The following ZNF675 variants were observed in gnomAD, a reference collection of about 807,000 sequenced individuals.
The protein encoded by ZNF675 is TRAF6 inhibitory zinc finger.
In ZNF675, 36 loss-of-function variants were observed where a neutral mutation model predicts 56.1. The ratio of observed to expected loss-of-function variants is 0.64; its 90% CI spans 0.49 to 0.85. ZNF675 has a LOEUF of 0.85. Among genes scored for constraint, ZNF675 ranks in the 40% least tolerant of loss-of-function variants. The pLI, the probability that ZNF675 is intolerant of heterozygous loss-of-function variation, is 0.00. For synonymous variants in ZNF675, 200 were observed against 218.9 expected, an observed-to-expected ratio of 0.91 and a Z score of 0.76; for missense variants, 663 against 654.2, an observed-to-expected ratio of 1.01 and a Z score of -0.15.
Position 23,654,436 on chromosome 19 carries a change from T to C in ZNF675, c.497A>G (p.His166Arg). Reference sequence around the variant, plus strand: ...ACATTTGAAAGGTTTATTTTCCATATGTTTTATCTTATGTCTATCTGAATG... The same window carrying C: ...ACATTTGAAAGGTTTATTTTCCATACGTTTTATCTTATGTCTATCTGAATG... ...FSHSDRHKIK[H>R]MENKPFKCKE... Residue 166 changes from histidine (H) to arginine (R), a missense_variant, in exon 4 of 4, where the codon CAT becomes CGT. Around this residue, in one of 3 missense-constraint regions of ZNF675, gnomAD observed 617 missense variants for 590.5 expected, o/e 1.04. Coordinates refer to ENST00000359788, the MANE Select transcript of ZNF675 (RefSeq NM_138330.3). The C allele has an allele frequency of 1.2e-6, 2 of 1,608,814 alleles. No homozygotes were observed. The highest frequency in any genetic ancestry group is 1.7e-6 in the Non-Finnish European group (2 of 1,177,726).
rs1967937628 is a variant in ZNF675, at chr19:23,653,460, G to A, written c.1473C>T (p.His491=). The A allele has an allele frequency of 6.2e-7, 1 of 1,610,668 alleles. No individual in the cohort carries two copies. Among genetic ancestry groups the A allele is most frequent in the Non-Finnish European group, 8.5e-7 (1 of 1,179,070 alleles). Residue 491 remains histidine (H), a synonymous_variant, in exon 4 of 4, where the codon CAC becomes CAT. Transcript: ENST00000359788. ...TTTTATGTGTAGTAAGGGATGAGGAGTGTTTAAAAGCTTTGCCACATTCTT... is the reference window on the plus strand; with the variant it reads ...TTTTATGTGTAGTAAGGGATGAGGAATGTTTAAAAGCTTTGCCACATTCTT... The part of the protein sequence containing the change: ...KCEECGKAFK[H]SSSLTTHKRI...
chr19:23,658,813 A>ATATAGATATATCTATAGATC (rs1555706323), intron 3 of ZNF675: 17 of 109,732 alleles, frequency 1.5e-4, no homozygotes, highest in East Asian at 3.1e-4. Flanking sequence ...CTATAGAGAT[A>ATATAGATATATCTATAGATC]TAGATCTATA....
At chr19:23,670,996 T>TAA (rs919152168) in intron 1 of ZNF675, among the ~76,000 whole-genome samples, 6 of 152,120 alleles carry the variant, frequency 3.9e-5, no homozygotes, top group African/African-American at 1.4e-4. Flanking sequence ...ACAACCAGGC[T>TAA]AAATTTCTTG....
intron 3 of ZNF675, among the ~76,000 whole-genome samples, chr19:23,661,089 C>A (rs966728190): frequency 3.3e-4 from 50 of 152,150 alleles, no homozygotes; most frequent in African/African-American, 1.2e-3. Flanking sequence ...GCCACCACAC[C>A]TGGCTAATTT....
chr19:23,654,063 G>C lies in ZNF675; in HGVS notation c.870C>G (p.Gly290=). 1.2e-6 allele frequency: 2 copies of C among 1,613,452 alleles called. No individual in the cohort carries two copies. Among genetic ancestry groups the C allele is most frequent in the Non-Finnish European group, 8.5e-7 (1 of 1,179,936 alleles). The change falls in exon 4 of 4, where the codon GGC becomes GGG. Residue 290 remains glycine, a synonymous_variant. Transcript: ENST00000359788. ...GEKPYKCEEC[G]KAFNQFSNLT... ...GATTTGAGAACTGGTTAAAGGCTTTGCCACATTCTTCACATTTGTAGGGTT... is the reference window on the plus strand; with the variant it reads ...GATTTGAGAACTGGTTAAAGGCTTTCCCACATTCTTCACATTTGTAGGGTT...
chr19:23,682,488 T>C (rs1449603016), intron 1 of ZNF675, among the ~76,000 whole-genome samples: 2 of 151,824 alleles, frequency 1.3e-5, no homozygotes, highest in Non-Finnish European at 1.5e-5. Flanking sequence ...CAGTAAGACC[T>C]TCACAGCACT....
rs1376542802 is a variant in ZNF675 at position 23,653,774 on chromosome 19, T to A, written c.1159A>T (p.Arg387Trp). The A allele has an allele frequency of 1.2e-6, 2 of 1,614,006 alleles. No homozygotes were observed. Among genetic ancestry groups the A allele is most frequent in the Admixed American group, 3.3e-5 (2 of 60,008 alleles). ...FNRSSNLTEH[R>W]KIHTEEKPYK... The stretch of plus-strand genomic sequence containing the variant: ...GGTTTCTCTTCGGTATGAATTTTCC[T>A]ATGTTCCGTAAGATTTGAGGATCGG... Residue 387 changes from arginine (R) to tryptophan (W), a missense_variant, in exon 4 of 4, where the codon AGG becomes TGG. Arg to Trp is a moderately radical substitution (Grantham distance 101). Transcript: ENST00000359788.
intron 1 of ZNF675, among the ~76,000 whole-genome samples, chr19:23,673,527 T>G (rs1199861530): frequency 6.6e-6 from 1 of 152,212 alleles, no homozygotes; most frequent in African/African-American, 2.4e-5. Context: ...GGCGACAGCA[T>G]GCACTTGGCA....
chr19:23,669,824 G>C (rs1236745653), intron 1 of ZNF675, among the ~76,000 whole-genome samples: 6 of 150,708 alleles, frequency 4.0e-5, no homozygotes, highest in Non-Finnish European at 8.8e-5. Context: ...CTGCACTCCA[G>C]CCTGGACAAC....
At chr19:23,658,367 TAAA>T (rs58991088) in intron 3 of ZNF675, 60 of 147,534 alleles carry the variant, frequency 4.1e-4, no homozygotes, top group Admixed American at 5.4e-4. Flanking sequence ...ATCTCAAAAT[TAAA>T]AAAAAAAAAA....
At chr19:23,669,650 G>T (rs1968203712) in intron 1 of ZNF675, among the ~76,000 whole-genome samples, 1 of 152,106 alleles carries the variant, frequency 6.6e-6, no homozygotes, top group Non-Finnish European at 1.5e-5. Context: ...GAGGCGGACA[G>T]ATCATAAGGT....
At chr19:23,660,381 A>G (rs1968060118) in intron 3 of ZNF675, among the ~76,000 whole-genome samples, 1 of 152,256 alleles carries the variant, frequency 6.6e-6, no homozygotes. Context: ...AAGTATTGGC[A>G]GAAGAATTAG....
rs1967936541 is a variant in ZNF675 at position 23,653,412 on chromosome 19, G to C, written c.1521C>G (p.Pro507=). 1 of 1,612,816 alleles carries C rather than the reference G, an allele frequency of 6.2e-7. No homozygotes were observed. The highest frequency in any genetic ancestry group is 1.3e-5 in the African/African-American group (1 of 74,856). ...CTTTGCCACATTCTTCACATTTGTA[G>C]GGTTTCTCCCCAGTATGAATTCTTT... ...THKRIHTGEK[P]YKCEECGKAF... is the part of the protein sequence containing the mutation. The change falls in exon 4 of 4, where the codon CCC becomes CCG. Residue 507 remains proline (P), a synonymous_variant. Transcript: ENST00000359788.
At chr19:23,671,347 C>T (rs11085601) in intron 1 of ZNF675, among the ~76,000 whole-genome samples, 147,907 of 152,252 alleles carry the variant, frequency 0.97, 72,007 homozygotes, top group Middle Eastern at 1. Context: ...TGAAGAAAAA[C>T]GGCAAGTCAA....
At position 23,654,689 on chromosome 19, in the gene ZNF675, C is replaced by T; in HGVS notation, c.244G>A (p.Ala82Thr). 6.5e-7 allele frequency: 1 copy of T among 1,537,594 alleles called. No homozygotes were observed. The highest frequency in any genetic ancestry group is 8.7e-7 in the Non-Finnish European group (1 of 1,144,240). ...TTCTGCTCTGGCCAAAACTCTTGGG[C>T]AAAATGAGAACACATTACTGAAAGA... ...NEPPVMCSHF[A>T]QEFWPEQNIK... The change falls in exon 4 of 4, where the codon GCC becomes ACC. Residue 82 changes from alanine to threonine, a missense_variant. Physicochemically the swap from Ala to Thr is moderately conservative, Grantham distance 58. Transcript: ENST00000359788.
intron 1 of ZNF675, among the ~76,000 whole-genome samples, chr19:23,680,245 G>C (rs904727308): frequency 1.3e-5 from 2 of 151,550 alleles, no homozygotes; most frequent in East Asian, 3.9e-4. Flanking sequence ...GGAGGTTGCA[G>C]CGAGCTGACA....
intron 3 of ZNF675, chr19:23,655,251 A>AT (rs57453344): frequency 6.6e-6 from 1 of 151,852 alleles, no homozygotes; most frequent in Non-Finnish European, 1.5e-5. Context: ...AAAAAAAAAA[A>AT]GTAAATTGCA....
chr19:23,665,459 G>A lies in ZNF675; in HGVS notation c.4-2301C>T, dbSNP rs779817807. Among the ~76,000 whole-genome samples the A allele has an allele frequency of 3.9e-5, 6 of 152,136 alleles. No individual in the cohort carries two copies. In the South Asian group the frequency reaches 6.2e-4, roughly 16 times the overall value. ...GCTCCACTCTCTGTGATGTAATTCT[G>A]CAGACTTAGGGTTCATGAGTGGTTT... On this transcript the variant is annotated intron_variant, in intron 1 of 3. Transcript: ENST00000359788.
intron 1 of ZNF675, among the ~76,000 whole-genome samples, chr19:23,667,387 C>A (rs4932889): frequency 0.97 from 147,843 of 152,178 alleles, 71,976 homozygotes; most frequent in Middle Eastern, 1. Flanking sequence ...CTGCTGGCTC[C>A]GGCAGCCTGC....
Sources: gnomAD v4.1 joint callset for allele counts (sites outside exome capture counted in the v4.1 genomes callset) on GRCh38, gnomAD v4.1.1 for gene constraint, gnomAD v4.1.1 regional missense constraint, MANE v1.5 for transcripts, NCBI Gene and HGNC (gene_info 2026-07-23, HGNC 2026-07-21) for gene names.